The following MUSK variants were observed in gnomAD, a reference collection of about 807,000 sequenced individuals.
MUSK encodes the protein muscle associated receptor tyrosine kinase.
MUSK carries 55 observed loss-of-function variants against 88.7 expected under a neutral mutation model. The observed-to-expected ratio is 0.62, with a 90% CI of 0.50 to 0.78. The LOEUF (loss-of-function observed/expected upper bound fraction) is 0.78. Ranked by LOEUF, MUSK falls within the 30% of genes least tolerant of loss-of-function variation. The probability of loss-of-function intolerance (pLI) is 0.00; values close to 1 mark genes in which losing one functional copy is unlikely to be tolerated. For synonymous variants in MUSK, 387 were observed against 391.9 expected (o/e 0.99, Z 0.15); for missense variants, 1,015 against 1,074.3 (o/e 0.94, Z 0.77).
chr9:110,687,281 C>G lies in MUSK; in HGVS notation c.358+13C>G, dbSNP rs2131670110. The G allele has an allele frequency of 6.2e-7, 1 of 1,613,074 alleles. No individual in the cohort carries two copies. The highest frequency in any genetic ancestry group is 8.5e-7 in the Non-Finnish European group (1 of 1,179,398). On this transcript the variant is annotated intron_variant, in intron 3 of 14. Coordinates refer to ENST00000374448, the MANE Select transcript of MUSK (RefSeq NM_005592.4). The stretch of plus-strand genomic sequence containing the variant: ...CAAGTGAAGATGAGTGAGTGGGAAA[C>G]AGATTCGTCTATTGATTTGAAAGTT...
intron 1 of MUSK, among the ~76,000 whole-genome samples, 165 bp downstream of exon 1, chr9:110,669,148 G>T (rs77109622): frequency 9.9e-5 from 15 of 152,268 alleles, no homozygotes; most frequent in Non-Finnish European, 2.1e-4. Flanking sequence ...ATAAGCAATT[G>T]GTTGATGGTC....
chr9:110,788,927 G>A (rs1373895704), intron 14 of MUSK, among the ~76,000 whole-genome samples: 1 of 152,186 alleles, frequency 6.6e-6, no homozygotes, highest in Non-Finnish European at 1.5e-5. Context: ...TGTGGCAAGA[G>A]CAGATGTGGC....
chr9:110,788,863 G>A (rs1273761419), intron 14 of MUSK, among the ~76,000 whole-genome samples: 1 of 152,094 alleles, frequency 6.6e-6, no homozygotes, highest in African/African-American at 2.4e-5. Context: ...ATAACAGTGT[G>A]GATATCTTGG....
chr9:110,737,892 T>C (rs2077048544), intron 6 of MUSK, among the ~76,000 whole-genome samples: 1 of 152,140 alleles, frequency 6.6e-6, no homozygotes. Context: ...GATTGTCAAC[T>C]ATAGGAACCC....
intron 7 of MUSK, among the ~76,000 whole-genome samples, chr9:110,755,974 A>ACG (rs1416725609): frequency 2.4e-5 from 2 of 84,938 alleles, no homozygotes; most frequent in Non-Finnish European, 5.1e-5. Context: ...ACATATATAT[A>ACG]TATACATATA....
At chr9:110,753,717 G>A (rs1273488802) in intron 7 of MUSK, among the ~76,000 whole-genome samples, 1 of 152,060 alleles carries the variant, frequency 6.6e-6, no homozygotes, top group African/African-American at 2.4e-5. Context: ...AAATTTAAAA[G>A]TCACATGAAT....
chr9:110,719,720 C>T (rs1171825015), intron 5 of MUSK, among the ~76,000 whole-genome samples: 1 of 152,094 alleles, frequency 6.6e-6, no homozygotes, highest in Non-Finnish European at 1.5e-5. Context: ...TGGAATTAAA[C>T]TATACCCTAC....
intron 3 of MUSK, among the ~76,000 whole-genome samples, chr9:110,689,962 A>ATTTAAATATAAATATATC (rs2076294455): frequency 1.2e-5 from 1 of 84,942 alleles, no homozygotes; most frequent in African/African-American, 5.4e-5. Context: ...ATAAATATAT[A>ATTTAAATATAAATATATC]TTTATATATT....
At chr9:110,733,092 C>G (rs912841028) in intron 5 of MUSK, among the ~76,000 whole-genome samples, 6 of 152,044 alleles carry the variant, frequency 3.9e-5, no homozygotes, top group African/African-American at 1.4e-4. Context: ...AATTAAGTTT[C>G]AAAGCATTGT....
chr9:110,766,995 T>C (rs774545771), intron 8 of MUSK, among the ~76,000 whole-genome samples: 3 of 152,210 alleles, frequency 2.0e-5, no homozygotes, highest in African/African-American at 2.4e-5. Context: ...TTCTCCCAAT[T>C]GTCTTCAGTT....
intron 6 of MUSK, among the ~76,000 whole-genome samples, chr9:110,739,792 A>G (rs1042514825): frequency 6.6e-6 from 1 of 152,128 alleles, no homozygotes; most frequent in African/African-American, 2.4e-5. Context: ...TGCATGTCCA[A>G]CCCAGTCCTT....
Position 110,731,105 on chromosome 9 carries a change from C to T in MUSK, c.629-3146C>T, listed in dbSNP as rs558089484. On this transcript the variant is annotated intron_variant, in intron 5 of 14. Transcript: ENST00000374448. Reference sequence around the variant, plus strand: ...CATCATGTTCGTTCATTTATTTATTCGTTCACTCAGCAAATATTCATTGAG... The same window carrying T: ...CATCATGTTCGTTCATTTATTTATTTGTTCACTCAGCAAATATTCATTGAG... Among the ~76,000 whole-genome samples, 9 of 152,140 alleles carry T rather than the reference C, an allele frequency of 5.9e-5. No individual in the cohort carries two copies. In the South Asian group the frequency reaches 6.2e-4, roughly 11 times the overall value.
At chr9:110,689,780 T>C (rs1205093460) in intron 3 of MUSK, among the ~76,000 whole-genome samples, 2 of 53,814 alleles carry the variant, frequency 3.7e-5, no homozygotes, top group Non-Finnish European at 7.0e-5. Flanking sequence ...TCACATATAG[T>C]TTATATATTT....
At chr9:110,797,273 C>A (rs985296954) in intron 14 of MUSK, among the ~76,000 whole-genome samples, 4 of 130,062 alleles carry the variant, frequency 3.1e-5, no homozygotes, top group Admixed American at 7.9e-5. Context: ...AAATAATTCA[C>A]AAATAAAAAA....
In MUSK at chr9:110,802,500, C is replaced by A. The variant is rs770650337; in HGVS notation, c.*1512C>A. Among the ~76,000 whole-genome samples, 6 of 152,216 alleles carry A rather than the reference C, an allele frequency of 3.9e-5. No homozygotes were observed. Among genetic ancestry groups the A allele is most frequent in the Non-Finnish European group, 8.8e-5 (6 of 68,032 alleles). Reference sequence around the variant, plus strand: ...GATTTTCGCTGTCTGCTGGAAAACTCTGCCTGAAATCCCCAAATCTGCCTC... The same window carrying A: ...GATTTTCGCTGTCTGCTGGAAAACTATGCCTGAAATCCCCAAATCTGCCTC... On this transcript the variant is annotated 3_prime_UTR_variant, in exon 15 of 15. Coordinates refer to ENST00000374448, the MANE Select transcript of MUSK (RefSeq NM_005592.4).
At chr9:110,755,984 A>T (rs1382201852) in intron 7 of MUSK, among the ~76,000 whole-genome samples, 1 of 126,046 alleles carries the variant, frequency 7.9e-6, no homozygotes, top group Non-Finnish European at 1.7e-5. Context: ...ATATACATAT[A>T]TATATATATA....
At chr9:110,723,990 C>G (rs569807269) in intron 5 of MUSK, among the ~76,000 whole-genome samples, 1 of 152,098 alleles carries the variant, frequency 6.6e-6, no homozygotes, top group Admixed American at 6.6e-5. Context: ...ATCTTTCTCT[C>G]TGGCCTCAGG....
In MUSK at chr9:110,774,057, AT is replaced by A. The variant is rs1332769783; in HGVS notation, c.1185-1725del. Among the ~76,000 whole-genome samples the A allele has an allele frequency of 2.0e-5, 3 of 152,008 alleles. No individual in the cohort carries two copies. The East Asian group carries it at 5.8e-4, about 29-fold the overall frequency. On this transcript the variant is annotated intron_variant, in intron 9 of 14. Coordinates refer to ENST00000374448, the MANE Select transcript of MUSK (RefSeq NM_005592.4). Reference sequence around the variant, plus strand: ...TATACCACATCTTTGATTATTTTCTATTTTTTATGTGCTCTGGTTCTCTTGC... The same window carrying A: ...TATACCACATCTTTGATTATTTTCTATTTTTATGTGCTCTGGTTCTCTTGC...
chr9:110,790,856 G>A (rs951123505), intron 14 of MUSK, among the ~76,000 whole-genome samples: 1 of 152,220 alleles, frequency 6.6e-6, no homozygotes, highest in African/African-American at 2.4e-5. Flanking sequence ...CAGCATGGTT[G>A]TGTATTTATC....
Sources: allele counts gnomAD v4.1 joint callset (sites outside exome capture counted in the v4.1 genomes callset), GRCh38; gene constraint gnomAD v4.1.1; transcripts MANE v1.5; gene names NCBI Gene and HGNC (gene_info 2026-07-23, HGNC 2026-07-21).